Variants in FARP1 observed in about 807,000 individuals in gnomAD.
FARP1 encodes the protein FERM, ARHGEF and pleckstrin domain-containing protein 1.
Under a neutral mutation model 128.8 loss-of-function variants are expected in FARP1, and 52 were observed. The ratio of observed to expected loss-of-function variants is 0.40; its 90% confidence interval spans 0.32 to 0.51. The LOEUF is 0.51. FARP1 is among the 20% of genes least tolerant of loss of function. The probability of loss-of-function intolerance (pLI) is 0.45; values close to 1 mark genes in which losing one functional copy is unlikely to be tolerated. For missense variants in FARP1, 1,333 were observed against 1,367.9 expected, an observed-to-expected ratio of 0.97 and a Z score of 0.40; for synonymous variants, 580 against 551.8, an observed-to-expected ratio of 1.05 and a Z score of -0.72.
rs770433945 is a variant in FARP1, at chr13:98,244,615, T to C, written c.171+31202T>C. On this transcript the variant is annotated intron_variant, in intron 2 of 26. Transcript: ENST00000319562. ...GAGAAGTTTGGAGAGGACAGAATTC[T>C]CACTCATCTTACAGGCTCTATTTCT... is the stretch of plus-strand genomic sequence containing the variant. The C allele has an allele frequency of 6.8e-6, 11 of 1,614,104 alleles. No homozygotes were observed. The Admixed American group carries it at 1.8e-4, about 27-fold the overall frequency.
At chr13:98,345,305 G>T (rs1888132992) in intron 3 of FARP1, among the ~76,000 whole-genome samples, 1 of 152,192 alleles carries the variant, frequency 6.6e-6, no homozygotes, top group South Asian at 2.1e-4. Context: ...CGGCAGCAGT[G>T]TTTGGGCTTC....
chr13:98,195,374 G>A (rs181768001), intron 1 of FARP1, among the ~76,000 whole-genome samples: 137 of 152,210 alleles, frequency 9.0e-4, no homozygotes, highest in Non-Finnish European at 1.5e-3. Context: ...GTATTCCCCC[G>A]GGCTGTTTGT....
At chr13:98,440,566 T>G (rs1283465180) in intron 23 of FARP1, 104 bp from the exon 24 acceptor site, 1 of 1,224,634 alleles carries the variant, frequency 8.2e-7, no homozygotes, top group Non-Finnish European at 1.1e-6. Context: ...GCACCACAGG[T>G]TGTGACTGCT....
chr13:98,239,694 C>G (rs1329146258), intron 2 of FARP1, among the ~76,000 whole-genome samples: 1 of 151,946 alleles, frequency 6.6e-6, no homozygotes, highest in Non-Finnish European at 1.5e-5. Context: ...GGGTTTCTGG[C>G]TGGGCCACTG....
At chr13:98,145,271 C>T (rs1330715206) in intron 1 of FARP1, among the ~76,000 whole-genome samples, 3 of 152,162 alleles carry the variant, frequency 2.0e-5, no homozygotes, top group East Asian at 1.9e-4. Flanking sequence ...TGCACCACCC[C>T]GCCCCCGTTA....
chr13:98,338,524 G>A (rs1445389358), intron 2 of FARP1: 1 of 152,204 alleles, frequency 6.6e-6, no homozygotes, highest in African/African-American at 2.4e-5. Flanking sequence ...ATCCTCCAGT[G>A]TGTGGAATCG....
rs573423290 is a variant in FARP1 at position 98,201,114 on chromosome 13, C to T, written c.-23-12106C>T. Among the ~76,000 whole-genome samples, 9 of 152,110 alleles carry T rather than the reference C, an allele frequency of 5.9e-5. No individual in the cohort carries two copies. The South Asian group carries it at 1.0e-3, about 18-fold the overall frequency. The stretch of plus-strand genomic sequence containing the variant: ...TAATTTCCCTGCTGTATTTTTGTAC[C>T]CATTAGCCAACTCAAAGATGGTGTT... On this transcript the variant is annotated intron_variant, in intron 1 of 26. Coordinates refer to ENST00000319562, the MANE Select transcript of FARP1 (RefSeq NM_005766.4).
chr13:98,317,102 A>G (rs1886753548), intron 2 of FARP1, among the ~76,000 whole-genome samples: 1 of 152,218 alleles, frequency 6.6e-6, no homozygotes, highest in South Asian at 2.1e-4. Flanking sequence ...CTCTGCTTCC[A>G]GCTGCCACTC....
chr13:98,435,396 T>C, intron 18 of FARP1, 180 bp from the exon 19 acceptor site: 1 of 594,322 alleles, frequency 1.7e-6, no homozygotes. Context: ...AGCAAATAAA[T>C]ACAGAAAATA....
chr13:98,326,095 C>A (rs993227725), intron 2 of FARP1, among the ~76,000 whole-genome samples: 5 of 152,178 alleles, frequency 3.3e-5, no homozygotes, highest in African/African-American at 1.2e-4. Flanking sequence ...CATAAAGACA[C>A]AAATGGCTTC....
At chr13:98,388,612 A>T in intron 9 of FARP1, 134 bp downstream of exon 9, 2 of 674,694 alleles carry the variant, frequency 3.0e-6, no homozygotes, top group South Asian at 3.3e-5. Flanking sequence ...TGTCCACATG[A>T]ACGCCGAGCG....
At chr13:98,181,627 T>TGAGAGAGAGAGAGAGAG (rs1410176235) in intron 1 of FARP1, among the ~76,000 whole-genome samples, 50 of 104,232 alleles carry the variant, frequency 4.8e-4, no homozygotes, top group African/African-American at 2.0e-3. Flanking sequence ...TTTATTTATT[T>TGAGAGAGAGAGAGAGAG]ATTTATTTAT....
chr13:98,250,174 G>A (rs959931619), intron 2 of FARP1, among the ~76,000 whole-genome samples: 8 of 152,158 alleles, frequency 5.3e-5, no homozygotes, highest in East Asian at 1.9e-4. Flanking sequence ...GAAAAGAAAT[G>A]TGGGATTTAA....
At chr13:98,163,761 T>G (rs1475871302) in intron 1 of FARP1, among the ~76,000 whole-genome samples, 1 of 151,312 alleles carries the variant, frequency 6.6e-6, no homozygotes, top group East Asian at 1.9e-4. Flanking sequence ...CAGGCTGGAG[T>G]GCAGTGGCGC....
chr13:98,335,508 A>T (rs576984428), intron 2 of FARP1, among the ~76,000 whole-genome samples: 1 of 152,324 alleles, frequency 6.6e-6, no homozygotes, highest in East Asian at 1.9e-4. Flanking sequence ...CCCACAACAC[A>T]TGGGAATCTA....
intron 1 of FARP1, chr13:98,159,578 TCTC>T (rs1258884988): frequency 2.6e-5 from 4 of 151,974 alleles, no homozygotes; most frequent in Non-Finnish European, 5.9e-5. Context: ...TTCAAGCGAT[TCTC>T]CTGTCTCGAC....
intron 2 of FARP1, among the ~76,000 whole-genome samples, chr13:98,319,641 C>T (rs1385096768): frequency 3.3e-5 from 5 of 152,156 alleles, no homozygotes; most frequent in Admixed American, 1.3e-4. Context: ...AGTTCACAGC[C>T]TCCATTTATC....
chr13:98,308,009 C>A (rs369248143), intron 2 of FARP1, among the ~76,000 whole-genome samples: 1 of 137,052 alleles, frequency 7.3e-6, no homozygotes, highest in African/African-American at 2.7e-5. Context: ...TGCCTGCCCC[C>A]CTCCGCCCGC....
At chr13:98,153,915 T>C (rs1594206130) in intron 1 of FARP1, among the ~76,000 whole-genome samples, 1 of 152,168 alleles carries the variant, frequency 6.6e-6, no homozygotes, top group Non-Finnish European at 1.5e-5. Context: ...AGTCAGGATA[T>C]GGGACATTTC....
Sources: allele counts gnomAD v4.1 joint callset (sites outside exome capture counted in the v4.1 genomes callset), GRCh38; gene constraint gnomAD v4.1.1; transcripts MANE v1.5; gene names NCBI Gene and HGNC (gene_info 2026-07-23, HGNC 2026-07-21).